Variants in SACS observed in about 807,000 individuals in gnomAD.
SACS encodes sacsin.
A neutral mutation model predicts 348.0 loss-of-function variants in SACS; 197 were observed. The observed-to-expected ratio is 0.57, with a 90% CI of 0.50 to 0.64. SACS has a LOEUF of 0.64. SACS is among the 30% of genes least tolerant of loss of function. The pLI is 0.00. For missense variants in SACS, 4,999 were observed against 5,360.8 expected (o/e 0.93, Z 2.11); for synonymous variants, 1,985 against 1,910.6 (o/e 1.04, Z -1.02).
chr13:23,409,500 C>T (rs1450173235), intron 2 of SACS, among the ~76,000 whole-genome samples: 1 of 151,272 alleles, frequency 6.6e-6, no homozygotes, highest in Non-Finnish European at 1.5e-5. Context: ...GGGATTGCTC[C>T]ACCATGCCCA....
chr13:23,371,083 C>G lies in SACS; in HGVS notation c.254G>C (p.Gly85Ala). The change falls in exon 4 of 10, where the codon GGG (glycine) becomes GCG (alanine). Residue 85 changes from glycine (G) to alanine (A), a missense_variant. This residue lies in a region of SACS where 3,156 missense variants were observed against 3,380.1 expected (regional missense o/e 0.93). Transcript: ENST00000382292. Reference sequence around the variant, plus strand: ...TGGTAAAGTCAATATTATACCTCCCCCTTTTAAGCCTTTTGATTGAAGGTT... The same window carrying G: ...TGGTAAAGTCAATATTATACCTCCCGCTTTTAAGCCTTTTGATTGAAGGTT... The part of the protein sequence containing the change: ...FVNLQSKGLK[G>A]GGRFGQTTPP... The G allele has an allele frequency of 6.3e-7, 1 of 1,590,436 alleles. No homozygotes were observed. Among genetic ancestry groups the G allele is most frequent in the Non-Finnish European group, 8.6e-7 (1 of 1,159,194 alleles).
chr13:23,355,818 T>G lies in SACS; in HGVS notation c.794A>C (p.Asn265Thr). 1 of 1,614,170 alleles carries G rather than the reference T, an allele frequency of 6.2e-7. No homozygotes were observed. Among genetic ancestry groups the G allele is most frequent in the South Asian group, 1.1e-5 (1 of 91,086 alleles). The change falls in exon 8 of 10, where the codon AAT (asparagine) becomes ACT (threonine). Residue 265 changes from asparagine (N) to threonine (T), a missense_variant. Around this residue, in one of 6 missense-constraint regions of SACS, gnomAD observed 3,156 missense variants for 3,380.1 expected, o/e 0.93. Coordinates refer to ENST00000382292, the MANE Select transcript of SACS (RefSeq NM_014363.6). ...GAAACGGAAAAATGTTCCTGGAAAA[T>G]TGCCGTTTATAAATGTTTCCTTGGT... ...GSTKETFING[N>T]FPGTFFRFPL...
In SACS at chr13:23,329,648, G is replaced by C. The variant is rs1037759441; in HGVS notation, c.*488C>G. On this transcript the variant is annotated 3_prime_UTR_variant, in exon 10 of 10. Coordinates refer to ENST00000382292, the MANE Select transcript of SACS (RefSeq NM_014363.6). ...CAACATAAAATTACAACAAATTCAT[G>C]ATCAGAGCCAGCTGATGAGAAAATA... 3.9e-5 allele frequency: 21 copies of C among 535,034 alleles called. No individual in the cohort carries two copies. The African/African-American group carries it at 4.1e-4, about 10-fold the overall frequency. 33.1% of individuals were successfully genotyped at this position (535,034 alleles called of 1,614,324 possible).
chr13:23,388,508 TAC>T (rs1203493660), intron 2 of SACS, among the ~76,000 whole-genome samples: 2 of 113,968 alleles, frequency 1.8e-5, no homozygotes, highest in Admixed American at 9.2e-5. Context: ...TATATATATA[TAC>T]ACACACATAC....
intron 2 of SACS, among the ~76,000 whole-genome samples, chr13:23,392,415 C>T (rs1458168781): frequency 6.6e-6 from 1 of 152,186 alleles, no homozygotes; most frequent in Admixed American, 6.5e-5. Flanking sequence ...TTTCCTAGAA[C>T]GCCTGTGAAA....
chr13:23,378,161 A>G (rs1454901244), intron 2 of SACS, among the ~76,000 whole-genome samples: 3 of 152,166 alleles, frequency 2.0e-5, no homozygotes, highest in Non-Finnish European at 4.4e-5. Flanking sequence ...CAGATTTTAC[A>G]TGGTGCTTTT....
chr13:23,352,484 C>G (rs1870025676), intron 9 of SACS, among the ~76,000 whole-genome samples: 2 of 152,286 alleles, frequency 1.3e-5, no homozygotes, highest in South Asian at 4.1e-4. Context: ...TGGTAATCTT[C>G]TGTGTAATCT....
intron 2 of SACS, among the ~76,000 whole-genome samples, chr13:23,390,216 C>T (rs1302804274): frequency 6.6e-6 from 1 of 152,094 alleles, no homozygotes; most frequent in African/African-American, 2.4e-5. Flanking sequence ...TTCTAAATCA[C>T]AACATACTAG....
At chr13:23,406,145 G>A (rs111595462) in intron 2 of SACS, among the ~76,000 whole-genome samples, 1,645 of 152,286 alleles carry the variant, frequency 0.011, 24 homozygotes, top group African/African-American at 0.038. Context: ...GCCCATCATT[G>A]ATAGACTGGA....
chr13:23,393,356 G>A (rs937960002), intron 2 of SACS, among the ~76,000 whole-genome samples: 1 of 152,184 alleles, frequency 6.6e-6, no homozygotes, highest in Non-Finnish European at 1.5e-5. Flanking sequence ...GGTGGAATAT[G>A]GCTAATCCAC....
At chr13:23,423,774 G>A (rs540540128) in intron 1 of SACS, among the ~76,000 whole-genome samples, 6 of 152,182 alleles carry the variant, frequency 3.9e-5, no homozygotes, top group South Asian at 2.1e-4. Context: ...ATAAAAATAC[G>A]GAGCCTTAAT....
At chr13:23,375,025 C>A in intron 3 of SACS, 94 bp downstream of exon 3, 1 of 1,253,852 alleles carries the variant, frequency 8.0e-7, no homozygotes, top group Non-Finnish European at 1.0e-6. Context: ...ATTCGCGCCG[C>A]CCGCGGAAAC....
chr13:23,353,741 T>C (rs772145393), intron 9 of SACS, 44 bp downstream of exon 9: 4 of 1,126,584 alleles, frequency 3.6e-6, no homozygotes, highest in South Asian at 1.4e-5. Context: ...AAAACTTGTA[T>C]TTTTATATAG....
rs1299673362 is a variant in SACS, at chr13:23,331,197, T to C, written c.12679A>G (p.Ile4227Val). ...TTATATTCACTATAACCAATATCTA[T>C]CTGATATATCTTTCCTAGAAAACTA... is the stretch of plus-strand genomic sequence containing the variant. ...NSSFLGKIYQ[I>V]DIGYSEYKIV... Residue 4227 changes from isoleucine to valine, a missense_variant, in exon 10 of 10, where the codon ATA becomes GTA. Ile to Val is a conservative substitution (Grantham distance 29). Transcript: ENST00000382292. The C allele has an allele frequency of 4.3e-6, 7 of 1,613,532 alleles. No individual in the cohort carries two copies. The highest frequency in any genetic ancestry group is 5.1e-6 in the Non-Finnish European group (6 of 1,179,502).
Position 23,336,194 on chromosome 13 carries a change from A to G in SACS, c.7682T>C (p.Ile2561Thr), listed in dbSNP as rs1868575670. The change falls in exon 10 of 10, where the codon ATC becomes ACC. Residue 2561 changes from isoleucine to threonine, a missense_variant. Ile to Thr is a moderately conservative substitution (Grantham distance 89). Around this residue, in one of 6 missense-constraint regions of SACS, gnomAD observed 3,156 missense variants for 3,380.1 expected, o/e 0.93. Transcript: ENST00000382292. ...CTGTCTAGGATCAAACACAAAACAG[A>G]TTTCTGTCGCCTTTGCATCATCAGC... ...QNADDAKATE[I>T]CFVFDPRQHP... 6.2e-7 allele frequency: 1 copy of G among 1,613,912 alleles called. No individual in the cohort carries two copies. The highest frequency in any genetic ancestry group is 8.5e-7 in the Non-Finnish European group (1 of 1,179,936).
rs200594912 is a variant in SACS, at chr13:23,340,593, C to T, written c.3283G>A (p.Glu1095Lys). Residue 1095 changes from glutamate (E) to lysine (K), a missense_variant, in exon 10 of 10, where the codon GAA becomes AAA. By Grantham distance (56) the Glu-to-Lys change is moderately conservative. Around this residue, in one of 6 missense-constraint regions of SACS, gnomAD observed 3,156 missense variants for 3,380.1 expected, o/e 0.93. Transcript: ENST00000382292. ...ACATCCTTTTCTTTGAGACTGGCTT[C>T]GTTTTTTAAACCAATCTGTCTTAAG... ...HSLRQIGLKN[E>K]ASLKEKDVVQ... 160 of 1,613,180 alleles carry T rather than the reference C, an allele frequency of 9.9e-5. No homozygotes were observed. Among genetic ancestry groups the T allele is most frequent in the Non-Finnish European group, 1.2e-4 (146 of 1,179,852 alleles).
In SACS at chr13:23,372,714, C is replaced by T. The variant is rs113109663; in HGVS notation, c.172-1549G>A. On this transcript the variant is annotated intron_variant, in intron 3 of 9. Coordinates refer to ENST00000382292, the MANE Select transcript of SACS (RefSeq NM_014363.6). ...TAAAAGCAAACTGGTCATCATACTTCCCCCTCTGTATGTGCTTATCTCTGA... is the reference window on the plus strand; with the variant it reads ...TAAAAGCAAACTGGTCATCATACTTTCCCCTCTGTATGTGCTTATCTCTGA... 4.6e-3 allele frequency among the ~76,000 whole-genome samples: 705 copies of T among 152,250 alleles called. 6 individuals are homozygous for T. The highest frequency in any genetic ancestry group is 0.016 in the African/African-American group (652 of 41,536).
chr13:23,406,566 T>C (rs1363039648), intron 2 of SACS, among the ~76,000 whole-genome samples: 1 of 152,220 alleles, frequency 6.6e-6, no homozygotes, highest in Admixed American at 6.5e-5. Flanking sequence ...TTTCTCCTAA[T>C]ATCAACTAAA....
Position 23,358,489 on chromosome 13 carries a change from T to G in SACS, c.458-8A>C. The G allele has an allele frequency of 6.2e-7, 1 of 1,614,102 alleles. No homozygotes were observed. The highest frequency in any genetic ancestry group is 8.5e-7 in the Non-Finnish European group (1 of 1,180,008). On this transcript the variant is annotated splice_region_variant and splice_polypyrimidine_tract_variant and intron_variant, in intron 6 of 9. Transcript: ENST00000382292. Reference sequence around the variant, plus strand: ...ACACATAGAGAGCTGGCCCTAGGTGTGAAAATGCGCAGGCAGGAATTCAAA... The same window carrying G: ...ACACATAGAGAGCTGGCCCTAGGTGGGAAAATGCGCAGGCAGGAATTCAAA...
Sources: gnomAD v4.1 joint callset for allele counts (sites outside exome capture counted in the v4.1 genomes callset) on GRCh38, gnomAD v4.1.1 for gene constraint, gnomAD v4.1.1 regional missense constraint, MANE v1.5 for transcripts, NCBI Gene and HGNC (gene_info 2026-07-23, HGNC 2026-07-21) for gene names.